Variants in ADGRB3 observed in about 807,000 individuals in gnomAD.
The protein encoded by ADGRB3 is brain-specific angiogenesis inhibitor 3.
Under a neutral mutation model 193.4 loss-of-function variants are expected in ADGRB3, and 37 were observed. That is an observed-to-expected ratio of 0.19 (90% CI 0.15 to 0.25). The LOEUF is 0.25. ADGRB3 is among the 10% of genes least tolerant of loss of function. The pLI is 1.00. For missense variants in ADGRB3, 1,637 were observed against 1,852.9 expected (o/e 0.88, Z 2.14); for synonymous variants, 690 against 644.2 (o/e 1.07, Z -1.08).
At chr6:68,835,602 C>G (rs1005033462) in intron 3 of ADGRB3, among the ~76,000 whole-genome samples, 1 of 151,940 alleles carries the variant, frequency 6.6e-6, no homozygotes, top group Non-Finnish European at 1.5e-5. Context: ...TCTTCCAGCT[C>G]AAATTTCATC....
intron 20 of ADGRB3, among the ~76,000 whole-genome samples, chr6:69,303,902 T>C (rs1460664351): frequency 6.6e-6 from 1 of 151,968 alleles, no homozygotes; most frequent in East Asian, 1.9e-4. Flanking sequence ...GATTCTTCTC[T>C]GAAAGATATT....
At chr6:68,705,556 A>G (rs1207695734) in intron 3 of ADGRB3, among the ~76,000 whole-genome samples, 1 of 152,184 alleles carries the variant, frequency 6.6e-6, no homozygotes, top group Non-Finnish European at 1.5e-5. Context: ...TGTGTCTGTC[A>G]GTGCCCCCGA....
At chr6:68,835,351 T>C (rs1450062047) in intron 3 of ADGRB3, among the ~76,000 whole-genome samples, 1 of 152,186 alleles carries the variant, frequency 6.6e-6, no homozygotes, top group Non-Finnish European at 1.5e-5. Flanking sequence ...GATCGTCTTC[T>C]TTTTGTGGAG....
intron 3 of ADGRB3, among the ~76,000 whole-genome samples, chr6:68,752,004 C>A (rs548166326): frequency 6.6e-6 from 1 of 151,922 alleles, no homozygotes; most frequent in South Asian, 2.1e-4. Context: ...ACTATTCATC[C>A]CACATCAACT....
chr6:69,279,225 G>A (rs1767374290), intron 20 of ADGRB3, among the ~76,000 whole-genome samples: 1 of 122,286 alleles, frequency 8.2e-6, no homozygotes, highest in Non-Finnish European at 1.8e-5. Flanking sequence ...GAACATCATA[G>A]CTTAACCTAG....
chr6:69,116,259 C>G (rs528161942), intron 17 of ADGRB3, among the ~76,000 whole-genome samples: 2 of 152,294 alleles, frequency 1.3e-5, no homozygotes, highest in South Asian at 4.1e-4. Flanking sequence ...ATCTCCAAAA[C>G]TCCTATACTA....
At chr6:69,326,297 G>A (rs1421528562) in intron 21 of ADGRB3, among the ~76,000 whole-genome samples, 1 of 152,108 alleles carries the variant, frequency 6.6e-6, no homozygotes, top group African/African-American at 2.4e-5. Context: ...TCAAATTTTT[G>A]TCTAAATTTC....
Position 69,382,819 on chromosome 6 carries a change from T to C in ADGRB3, c.4276-12T>C, listed in dbSNP as rs1769980452. The C allele has an allele frequency of 6.4e-7, 1 of 1,572,418 alleles. No homozygotes were observed. The highest frequency in any genetic ancestry group is 8.7e-7 in the Non-Finnish European group (1 of 1,151,580). ...AAGTTGGGGATGAGAGCTATCTTGTTCTTTTTTGCAGAAGGTCATGCATAC... is the reference window on the plus strand; with the variant it reads ...AAGTTGGGGATGAGAGCTATCTTGTCCTTTTTTGCAGAAGGTCATGCATAC... On this transcript the variant is annotated splice_polypyrimidine_tract_variant and intron_variant, in intron 30 of 31. Coordinates refer to ENST00000370598, the MANE Select transcript of ADGRB3 (RefSeq NM_001704.3).
intron 10 of ADGRB3, among the ~76,000 whole-genome samples, chr6:68,987,842 T>A (rs1769123865): frequency 6.6e-6 from 1 of 152,166 alleles, no homozygotes; most frequent in South Asian, 2.1e-4. Flanking sequence ...GAATGATAAA[T>A]GATTGTTGTT....
intron 17 of ADGRB3, among the ~76,000 whole-genome samples, chr6:69,169,276 T>C (rs1311942660): frequency 6.6e-6 from 1 of 152,074 alleles, no homozygotes; most frequent in Non-Finnish European, 1.5e-5. Flanking sequence ...TTGAAATATG[T>C]AGCCCACATC....
At chr6:69,161,684 G>C (rs564083548) in intron 17 of ADGRB3, among the ~76,000 whole-genome samples, 1 of 152,136 alleles carries the variant, frequency 6.6e-6, no homozygotes, top group African/African-American at 2.4e-5. Flanking sequence ...CAATGTGTCA[G>C]CTAGGGATAT....
chr6:69,228,207 A>C (rs957368085), intron 17 of ADGRB3, among the ~76,000 whole-genome samples: 11 of 152,218 alleles, frequency 7.2e-5, no homozygotes, highest in African/African-American at 2.7e-4. Context: ...CAGTGAGTCG[A>C]GATTGCACCA....
intron 3 of ADGRB3, among the ~76,000 whole-genome samples, chr6:68,850,630 A>T (rs563364900): frequency 6.7e-4 from 102 of 152,080 alleles, no homozygotes; most frequent in African/African-American, 2.3e-3. Flanking sequence ...AATATTATAG[A>T]TTCAACATGC....
chr6:69,204,975 C>T (rs545997064), intron 17 of ADGRB3, among the ~76,000 whole-genome samples: 10 of 152,254 alleles, frequency 6.6e-5, no homozygotes, highest in Admixed American at 5.9e-4. Flanking sequence ...ATGTAACCTT[C>T]AGCAAAAGGC....
intron 13 of ADGRB3, among the ~76,000 whole-genome samples, chr6:69,043,290 G>GAGAGAAAGAAAAGAAAGAA (rs1554252049): frequency 1.1e-5 from 1 of 88,032 alleles, no homozygotes; most frequent in Admixed American, 1.1e-4. Context: ...GGAAGAAAGA[G>GAGAGAAAGAAAAGAAAGAA]AGAAAGAAAG....
In ADGRB3 at chr6:68,922,146, G is replaced by A. The variant is rs186760067; in HGVS notation, c.758-8413G>A. Among the ~76,000 whole-genome samples the A allele has an allele frequency of 6.1e-3, 929 of 151,502 alleles. 4 individuals are homozygous for A. Among genetic ancestry groups the A allele is most frequent in the Non-Finnish European group, 9.7e-3 (661 of 67,998 alleles). On this transcript the variant is annotated intron_variant, in intron 3 of 31. Transcript: ENST00000370598. ...ATATCAGACTAGGGATAACAATAATGTTTTTCTATGAAAAACAAGATTTTT... is the reference window on the plus strand; with the variant it reads ...ATATCAGACTAGGGATAACAATAATATTTTTCTATGAAAAACAAGATTTTT...
intron 3 of ADGRB3, among the ~76,000 whole-genome samples, chr6:68,721,553 C>G (rs1359069483): frequency 6.7e-6 from 1 of 150,162 alleles, no homozygotes; most frequent in Non-Finnish European, 1.5e-5. Context: ...TGCAGCACAC[C>G]AACGTGGCAC....
chr6:69,365,889 C>T (rs550101282), intron 29 of ADGRB3, among the ~76,000 whole-genome samples: 1 of 152,092 alleles, frequency 6.6e-6, no homozygotes, highest in East Asian at 1.9e-4. Flanking sequence ...AGATAATGTA[C>T]ATGAAAAACC....
chr6:68,859,471 C>T (rs575883441), intron 3 of ADGRB3, among the ~76,000 whole-genome samples: 3 of 152,292 alleles, frequency 2.0e-5, no homozygotes, highest in African/African-American at 7.2e-5. Flanking sequence ...TGCTAGTAAA[C>T]ATGTACCTGA....
Sources: allele counts gnomAD v4.1 joint callset (sites outside exome capture counted in the v4.1 genomes callset), GRCh38; gene constraint gnomAD v4.1.1; transcripts MANE v1.5; gene names NCBI Gene and HGNC (gene_info 2026-07-23, HGNC 2026-07-21).